Variants in EXT2 observed in about 807,000 individuals in gnomAD.
EXT2 encodes the protein exostosin-2.
A neutral mutation model predicts 81.6 loss-of-function variants in EXT2; 53 were observed. The ratio of observed to expected loss-of-function variants is 0.65; its 90% CI spans 0.52 to 0.82. The LOEUF is 0.82. Among genes scored for constraint, EXT2 ranks in the 40% least tolerant of loss-of-function variants. EXT2 has a pLI of 0.00. For missense variants in EXT2, 774 were observed against 910.2 expected (o/e 0.85, Z 1.93); for synonymous variants, 320 against 340.0 (o/e 0.94, Z 0.65).
At chr11:44,233,450 G>A (rs868450893) in intron 11 of EXT2, among the ~76,000 whole-genome samples, 8 of 152,150 alleles carry the variant, frequency 5.3e-5, no homozygotes, top group African/African-American at 1.4e-4. Context: ...TCATCACTTC[G>A]TGTTTTTGAC....
At chr11:44,159,187 A>T (rs1388301411) in intron 7 of EXT2, among the ~76,000 whole-genome samples, 2 of 137,964 alleles carry the variant, frequency 1.4e-5, no homozygotes, top group East Asian at 2.1e-4. Context: ...GTAGTTTGGT[A>T]TCTTGATATT....
intron 3 of EXT2, 90 bp downstream of exon 3, chr11:44,109,373 G>A: frequency 8.8e-7 from 1 of 1,131,746 alleles, no homozygotes; most frequent in Non-Finnish European, 1.3e-6. Flanking sequence ...CACATACTTT[G>A]TAATCAGAAT....
At chr11:44,209,468 C>G (rs1181839299) in intron 10 of EXT2, among the ~76,000 whole-genome samples, 1 of 152,162 alleles carries the variant, frequency 6.6e-6, no homozygotes, top group Non-Finnish European at 1.5e-5. Flanking sequence ...AGGAACATTT[C>G]TATCTTGAAG....
intron 7 of EXT2, among the ~76,000 whole-genome samples, chr11:44,170,045 G>T (rs1955049523): frequency 6.6e-6 from 1 of 151,980 alleles, no homozygotes; most frequent in Non-Finnish European, 1.5e-5. Flanking sequence ...CCCATCAACT[G>T]CAGAATATAC....
intron 2 of EXT2, 146 bp from the exon 3 acceptor site, chr11:44,109,048 G>C (rs1204277047): frequency 2.7e-6 from 2 of 750,622 alleles, no homozygotes; most frequent in Non-Finnish European, 2.3e-6. Context: ...CTGATGTGCT[G>C]TTGGGATTTC....
chr11:44,214,146 C>T (rs996179610), intron 10 of EXT2, among the ~76,000 whole-genome samples: 1 of 151,818 alleles, frequency 6.6e-6, no homozygotes, highest in African/African-American at 2.4e-5. Context: ...GACGGAGTCT[C>T]TCTGTCGCCC....
chr11:44,186,129 C>G (rs529648142), intron 8 of EXT2, among the ~76,000 whole-genome samples: 1 of 152,246 alleles, frequency 6.6e-6, no homozygotes, highest in Admixed American at 6.5e-5. Context: ...AGACCTTGTT[C>G]TAAATAATCT....
intron 8 of EXT2, among the ~76,000 whole-genome samples, chr11:44,176,120 T>C (rs1012825416): frequency 1.3e-5 from 2 of 152,170 alleles, no homozygotes; most frequent in African/African-American, 4.8e-5. Flanking sequence ...ATGAAAAATA[T>C]TACATCTGTT....
chr11:44,128,110 T>C (rs980220679), intron 6 of EXT2, among the ~76,000 whole-genome samples: 4 of 152,236 alleles, frequency 2.6e-5, no homozygotes, highest in African/African-American at 9.6e-5. Context: ...CCACAGGTAT[T>C]TGAACAACTT....
intron 7 of EXT2, among the ~76,000 whole-genome samples, chr11:44,168,147 T>G (rs1007775274): frequency 2.0e-5 from 3 of 152,096 alleles, no homozygotes; most frequent in African/African-American, 7.2e-5. Context: ...AATCTACTTT[T>G]GACAAGATCA....
chr11:44,221,135 G>GGCACATCT (rs1955777174), intron 10 of EXT2, among the ~76,000 whole-genome samples: 1 of 152,156 alleles, frequency 6.6e-6, no homozygotes, highest in Admixed American at 6.5e-5. Flanking sequence ...ACTGCTTGCT[G>GGCACATCT]GCACATCTGC....
intron 8 of EXT2, among the ~76,000 whole-genome samples, chr11:44,176,794 G>C (rs190603215): frequency 6.8e-6 from 1 of 146,474 alleles, no homozygotes; most frequent in Non-Finnish European, 1.5e-5. Context: ...AAATCAAGGG[G>C]TGGTCTGGGG....
intron 10 of EXT2, among the ~76,000 whole-genome samples, chr11:44,222,992 G>T (rs1955798476): frequency 6.6e-6 from 1 of 152,204 alleles, no homozygotes; most frequent in African/African-American, 2.4e-5. Context: ...AACAGACCTT[G>T]CACTGAAGAG....
intron 9 of EXT2, among the ~76,000 whole-genome samples, chr11:44,200,896 C>T (rs1955514377): frequency 6.6e-6 from 1 of 152,102 alleles, no homozygotes; most frequent in Non-Finnish European, 1.5e-5. Context: ...TCTTGGCATC[C>T]AACATGGAGA....
intron 10 of EXT2, among the ~76,000 whole-genome samples, chr11:44,227,709 G>T (rs1955853455): frequency 6.6e-6 from 1 of 152,200 alleles, no homozygotes; most frequent in Non-Finnish European, 1.5e-5. Context: ...CTTGGAAAAT[G>T]GCCAAGTAAG....
chr11:44,210,808 G>T (rs1955638651), intron 10 of EXT2, among the ~76,000 whole-genome samples: 1 of 152,140 alleles, frequency 6.6e-6, no homozygotes, highest in Admixed American at 6.5e-5. Context: ...GAGAGAAATT[G>T]AAGAACAACT....
intron 4 of EXT2, 73 bp from the exon 5 acceptor site, chr11:44,124,716 A>G: frequency 7.7e-7 from 1 of 1,297,394 alleles, no homozygotes; most frequent in East Asian, 2.3e-5. Flanking sequence ...CATAAGTTTA[A>G]TATCAAAGTT....
intron 7 of EXT2, among the ~76,000 whole-genome samples, chr11:44,166,806 A>G (rs956856667): frequency 1.8e-4 from 28 of 152,320 alleles, no homozygotes; most frequent in East Asian, 9.7e-4. Context: ...GAGAGATCAT[A>G]TAGACTAGCA....
chr11:44,129,989 GAAAT>G (rs1459624713), intron 6 of EXT2, 52 bp from the exon 7 acceptor site: 1 of 1,354,938 alleles, frequency 7.4e-7, no homozygotes, highest in Non-Finnish European at 1.1e-6. Flanking sequence ...ACTGTGTGTA[GAAAT>G]GCTTTCTGTG....
Sources: allele counts gnomAD v4.1 joint callset (sites outside exome capture counted in the v4.1 genomes callset), GRCh38; gene constraint gnomAD v4.1.1; transcripts MANE v1.5; gene names NCBI Gene and HGNC (gene_info 2026-07-23, HGNC 2026-07-21).